Variants in ANTXR1 observed in about 807,000 individuals in gnomAD.
The protein encoded by ANTXR1 is ANTXR cell adhesion molecule 1.
In ANTXR1, 19 loss-of-function variants were observed where a neutral mutation model predicts 78.1. The ratio of observed to expected loss-of-function variants is 0.24; its 90% CI spans 0.17 to 0.36. The LOEUF (loss-of-function observed/expected upper bound fraction) is 0.36, where lower values mean the gene tolerates loss of function less well. Among genes scored for constraint, ANTXR1 ranks in the 10% least tolerant of loss-of-function variants. The probability of loss-of-function intolerance (pLI) is 1.00; values close to 1 mark genes in which losing one functional copy is unlikely to be tolerated. For missense variants in ANTXR1, 518 were observed against 718.6 expected, an observed-to-expected ratio of 0.72 and a Z score of 3.19; for synonymous variants, 273 against 260.5, an observed-to-expected ratio of 1.05 and a Z score of -0.46.
At chr2:69,074,060 T>C (rs981285207) in intron 6 of ANTXR1, among the ~76,000 whole-genome samples, 1 of 152,226 alleles carries the variant, frequency 6.6e-6, no homozygotes, top group African/African-American at 2.4e-5. Flanking sequence ...GACCATTTGC[T>C]AGAAACTAGA....
At position 69,248,158 on chromosome 2, in the gene ANTXR1, G is replaced by A. The variant is rs1373170938; in HGVS notation, c.*2673G>A. 6.0e-6 allele frequency: 1 copy of A among 166,644 alleles called. No homozygotes were observed. The highest frequency in any genetic ancestry group is 1.9e-4 in the East Asian group (1 of 5,192). 10.3% of individuals were successfully genotyped at this position (166,644 alleles called of 1,614,324 possible). On this transcript the variant is annotated 3_prime_UTR_variant, in exon 18 of 18. Transcript: ENST00000303714. ...GCAGGAGACATGTGATTATGATCAG[G>A]AAACTGCACAAAATTATTGTTTTCA...
intron 16 of ANTXR1, among the ~76,000 whole-genome samples, chr2:69,191,851 A>G (rs759132927): frequency 1.3e-5 from 2 of 152,158 alleles, no homozygotes; most frequent in African/African-American, 4.8e-5. Flanking sequence ...TCCAATCTCA[A>G]CTCTGGTTTA....
intron 15 of ANTXR1, 130 bp from the exon 16 acceptor site, chr2:69,182,363 G>A: frequency 9.0e-7 from 1 of 1,108,958 alleles, no homozygotes. Context: ...CTCTTCCCTG[G>A]CCCTCAAAAC....
chr2:69,030,934 T>C (rs1214616535), intron 1 of ANTXR1, among the ~76,000 whole-genome samples: 1 of 152,236 alleles, frequency 6.6e-6, no homozygotes, highest in African/African-American at 2.4e-5. Flanking sequence ...AAGAAAGTGA[T>C]TGTCTGGGAC....
chr2:69,200,332 T>G (rs940345924), intron 17 of ANTXR1, among the ~76,000 whole-genome samples: 1 of 152,132 alleles, frequency 6.6e-6, no homozygotes, highest in Non-Finnish European at 1.5e-5. Context: ...GCCTCAGAGG[T>G]TGTGAAATCC....
rs753087609 is a variant in ANTXR1 at position 69,182,563 on chromosome 2, A to C, written c.1256A>C (p.Lys419Thr). The C allele has an allele frequency of 4.9e-5, 79 of 1,614,128 alleles. No homozygotes were observed. The highest frequency in any genetic ancestry group is 6.2e-5 in the Non-Finnish European group (73 of 1,180,054). The part of the protein sequence containing the change: ...KLEKAKNARV[K>T]MPEQEYEFPE... ...GAAAAGGCAAAGAATGCAAGAGTCA[A>C]GATGCCGGAGCAGGAATATGAATTC... is the stretch of plus-strand genomic sequence containing the variant. Residue 419 changes from lysine to threonine, a missense_variant, in exon 16 of 18, where the codon AAG becomes ACG. Physicochemically the swap from Lys to Thr is moderately conservative, Grantham distance 78. Coordinates refer to ENST00000303714, the MANE Select transcript of ANTXR1 (RefSeq NM_032208.3).
Position 69,077,484 on chromosome 2 carries a change from A to T in ANTXR1, c.638A>T (p.His213Leu), listed in dbSNP as rs369048882. ...TTTCAGGCTCTGCAAGGCATCATCC[A>T]CTCAGTAAGTAGAGCTCTTCCTCTG... is the stretch of plus-strand genomic sequence containing the variant. The part of the protein sequence containing the change: ...DGFQALQGII[H>L]SILKKSCIEI... The change falls in exon 8 of 18, where the codon CAC (histidine) becomes CTC (leucine). Residue 213 changes from histidine to leucine, a missense_variant. His to Leu is a moderately conservative substitution (Grantham distance 99, BLOSUM62 -3). Coordinates refer to ENST00000303714, the MANE Select transcript of ANTXR1 (RefSeq NM_032208.3). The T allele has an allele frequency of 6.2e-7, 1 of 1,613,952 alleles. No individual in the cohort carries two copies. Among genetic ancestry groups the T allele is most frequent in the Non-Finnish European group, 8.5e-7 (1 of 1,179,976 alleles).
rs920859516 is a variant in ANTXR1 at position 69,245,100 on chromosome 2, A to C, written c.1435-125A>C. ...TTGTCCTCAAGTTCTACTATGTGCC[A>C]CTAGAGAGTTGTCACCAACAGGGGC... is the stretch of plus-strand genomic sequence containing the variant. On this transcript the variant is annotated intron_variant, in intron 17 of 17. Coordinates refer to ENST00000303714, the MANE Select transcript of ANTXR1 (RefSeq NM_032208.3). 3 of 1,066,022 alleles carry C rather than the reference A, an allele frequency of 2.8e-6. No homozygotes were observed. The African/African-American group carries it at 4.7e-5, about 17-fold the overall frequency. The allele number at this position is 1,066,022 out of a possible 1,614,324, so 66.0% of individuals were successfully genotyped here. A position where few individuals can be genotyped will look rare whatever the true frequency, so the allele number is the denominator to read the frequency against.
chr2:69,020,051 GTATCTT>G, intron 1 of ANTXR1, among the ~76,000 whole-genome samples: 1 of 152,260 alleles, frequency 6.6e-6, no homozygotes, highest in East Asian at 1.9e-4. Context: ...ATGCATGCAT[GTATCTT>G]TATAATAGAA....
chr2:69,183,120 C>CTAAGAAAAATG (rs1427125363), intron 16 of ANTXR1: 26 of 199,322 alleles, frequency 1.3e-4, no homozygotes, highest in Non-Finnish European at 2.5e-4. Context: ...AATCTACTAT[C>CTAAGAAAAATG]TAAGAAAAAT....
chr2:69,178,276 C>A (rs900953957), intron 14 of ANTXR1, among the ~76,000 whole-genome samples: 10 of 152,248 alleles, frequency 6.6e-5, no homozygotes, highest in African/African-American at 2.4e-4. Flanking sequence ...AATGTGTAAA[C>A]AGACCCATGC....
At chr2:69,046,942 C>G (rs1669786698) in intron 3 of ANTXR1, among the ~76,000 whole-genome samples, 1 of 152,118 alleles carries the variant, frequency 6.6e-6, no homozygotes, top group African/African-American at 2.4e-5. Flanking sequence ...TTCATTTCAG[C>G]AAAAGTTTTG....
chr2:69,115,212 A>G (rs1672104432), intron 10 of ANTXR1, among the ~76,000 whole-genome samples: 1 of 152,206 alleles, frequency 6.6e-6, no homozygotes, highest in African/African-American at 2.4e-5. Flanking sequence ...ATCAACCCCC[A>G]TTTGAGAACA....
chr2:69,212,688 A>G (rs1191629597), intron 17 of ANTXR1, among the ~76,000 whole-genome samples: 1 of 152,216 alleles, frequency 6.6e-6, no homozygotes, highest in Non-Finnish European at 1.5e-5. Context: ...GTCTTGCTCC[A>G]TCACTCAGGC....
chr2:69,089,586 A>G (rs1032957163), intron 8 of ANTXR1, among the ~76,000 whole-genome samples: 2 of 152,032 alleles, frequency 1.3e-5, no homozygotes, highest in Non-Finnish European at 1.5e-5. Flanking sequence ...TCAGCCCCAC[A>G]TTTTCATTTA....
At chr2:69,074,042 A>G (rs1022833219) in intron 6 of ANTXR1, among the ~76,000 whole-genome samples, 2 of 152,220 alleles carry the variant, frequency 1.3e-5, no homozygotes, top group African/African-American at 2.4e-5. Flanking sequence ...AGAGCTTGGC[A>G]TATACTTGAC....
intron 17 of ANTXR1, among the ~76,000 whole-genome samples, chr2:69,240,165 T>C (rs1675860486): frequency 6.6e-6 from 1 of 152,200 alleles, no homozygotes; most frequent in Non-Finnish European, 1.5e-5. Context: ...ATCAGAGCTT[T>C]CTAAGACATC....
chr2:69,158,738 G>A (rs1673596392), intron 13 of ANTXR1, among the ~76,000 whole-genome samples: 1 of 152,204 alleles, frequency 6.6e-6, no homozygotes. Context: ...AGTTTAGACT[G>A]ATGTCAGTGT....
At chr2:69,216,406 T>C (rs530601670) in intron 17 of ANTXR1, among the ~76,000 whole-genome samples, 4 of 152,206 alleles carry the variant, frequency 2.6e-5, no homozygotes, top group African/African-American at 9.6e-5. Flanking sequence ...AATACATACA[T>C]ACACACATGC....
Sources: allele counts gnomAD v4.1 joint callset (sites outside exome capture counted in the v4.1 genomes callset), GRCh38; gene constraint gnomAD v4.1.1; transcripts MANE v1.5; gene names NCBI Gene and HGNC (gene_info 2026-07-23, HGNC 2026-07-21).